The following SNX13 variants were observed in gnomAD, a reference collection of about 807,000 sequenced individuals.
SNX13 encodes the protein sorting nexin-13.
SNX13 carries 45 observed loss-of-function variants against 133.6 expected under a neutral mutation model. That is an observed-to-expected ratio of 0.34 (90% CI 0.27 to 0.43). The LOEUF is 0.43. Among genes scored for constraint, SNX13 ranks in the 20% least tolerant of loss-of-function variants. The pLI is 1.00. For missense variants in SNX13, 1,032 were observed against 1,145.1 expected (o/e 0.90, Z 1.43); for synonymous variants, 414 against 373.9 (o/e 1.11, Z -1.24).
intron 15 of SNX13, chr7:17,831,110 C>G (rs1788438312): frequency 1.0e-6 from 1 of 984,286 alleles, no homozygotes; most frequent in African/African-American, 1.7e-5. Flanking sequence ...AATCTTCCCA[C>G]CAAAGACAAG....
intron 5 of SNX13, among the ~76,000 whole-genome samples, chr7:17,878,374 C>G (rs777563827): frequency 6.6e-6 from 1 of 151,990 alleles, no homozygotes; most frequent in Non-Finnish European, 1.5e-5. Flanking sequence ...TACAATTAAC[C>G]CTAGCTTGAA....
intron 22 of SNX13, among the ~76,000 whole-genome samples, chr7:17,800,913 G>C (rs1334418305): frequency 1.3e-5 from 2 of 150,552 alleles, no homozygotes; most frequent in African/African-American, 4.9e-5. Context: ...AGTACTGGCA[G>C]GATGTAGAAC....
At chr7:17,815,468 C>G (rs1786554785) in intron 19 of SNX13, among the ~76,000 whole-genome samples, 1 of 152,120 alleles carries the variant, frequency 6.6e-6, no homozygotes, top group African/African-American at 2.4e-5. Flanking sequence ...ACCTGTAGTC[C>G]TAGCTACTCA....
intron 20 of SNX13, among the ~76,000 whole-genome samples, chr7:17,805,544 G>A (rs1427914925): frequency 2.0e-5 from 3 of 152,058 alleles, no homozygotes; most frequent in Non-Finnish European, 1.5e-5. Flanking sequence ...CATTTCAGAA[G>A]CATAAAAGGC....
chr7:17,849,478 G>A (rs1041429494), intron 11 of SNX13, among the ~76,000 whole-genome samples: 3 of 152,118 alleles, frequency 2.0e-5, no homozygotes, highest in Non-Finnish European at 4.4e-5. Context: ...TCCACAAAGA[G>A]TAAAGATAAT....
At chr7:17,842,721 C>T (rs1790044057) in intron 12 of SNX13, among the ~76,000 whole-genome samples, 1 of 151,838 alleles carries the variant, frequency 6.6e-6, no homozygotes, top group Non-Finnish European at 1.5e-5. Context: ...ACAAAAGTAA[C>T]TCATTTAAAA....
At chr7:17,904,323 ACAT>A (rs1798159012) in intron 1 of SNX13, among the ~76,000 whole-genome samples, 1 of 152,210 alleles carries the variant, frequency 6.6e-6, no homozygotes, top group Admixed American at 6.5e-5. Flanking sequence ...CTGAGTTGTG[ACAT>A]CATCTCTCAA....
Position 17,873,883 on chromosome 7 carries a change from T to C in SNX13, c.665-267A>G, listed in dbSNP as rs1354059376. On this transcript the variant is annotated intron_variant, in intron 7 of 25. Coordinates refer to ENST00000428135, the MANE Select transcript of SNX13 (RefSeq NM_015132.5). ...TAAAAAAATTTCGTTACAAGTCTTT[T>C]TTCCCAAAATAGTTTTAGATGGACC... 1.9e-4 allele frequency among the ~76,000 whole-genome samples: 29 copies of C among 152,186 alleles called. 1 individual carries two copies. Among genetic ancestry groups the C allele is most frequent in the Admixed American group, 1.4e-3 (22 of 15,286 alleles).
At chr7:17,826,647 ATT>A (rs935578985) in intron 16 of SNX13, among the ~76,000 whole-genome samples, 3 of 152,114 alleles carry the variant, frequency 2.0e-5, no homozygotes, top group Non-Finnish European at 4.4e-5. Flanking sequence ...TATTCTGATT[ATT>A]TATTAAATGA....
chr7:17,909,743 A>G (rs1016791304), intron 1 of SNX13, among the ~76,000 whole-genome samples: 2 of 152,210 alleles, frequency 1.3e-5, no homozygotes, highest in Non-Finnish European at 1.5e-5. Flanking sequence ...CGAGAGCATC[A>G]GGAAGAACAG....
chr7:17,845,562 G>A (rs749001728), intron 12 of SNX13, 33 bp downstream of exon 12: 13 of 1,326,406 alleles, frequency 9.8e-6, no homozygotes, highest in Middle Eastern at 3.7e-4. Flanking sequence ...AAATTCAATG[G>A]CTGTATCATT....
At chr7:17,802,659 A>G (rs886841538) in intron 21 of SNX13, among the ~76,000 whole-genome samples, 1 of 152,174 alleles carries the variant, frequency 6.6e-6, no homozygotes, top group Non-Finnish European at 1.5e-5. Context: ...GAATTAACAG[A>G]AAAGTATGAT....
At chr7:17,931,064 C>A (rs752244779) in intron 1 of SNX13, among the ~76,000 whole-genome samples, 3 of 152,150 alleles carry the variant, frequency 2.0e-5, no homozygotes, top group Non-Finnish European at 4.4e-5. Flanking sequence ...TTATTTTACT[C>A]TCCTGACTCC....
rs1791080161 is a variant in SNX13 at position 17,850,513 on chromosome 7, T to C, written c.977-78A>G. ...CTTTAAACATGCACTTACTGTAATT[T>C]AACAAAATAACCAATAATACAGCAA... On this transcript the variant is annotated intron_variant, in intron 10 of 25. Coordinates refer to ENST00000428135, the MANE Select transcript of SNX13 (RefSeq NM_015132.5). 8.5e-6 allele frequency: 7 copies of C among 822,564 alleles called. No individual in the cohort carries two copies. In the Admixed American group the frequency reaches 1.3e-4, roughly 16 times the overall value. The allele number at this position is 822,564 out of a possible 1,614,324, so 51.0% of individuals were successfully genotyped here.
chr7:17,875,032 G>A (rs1423101887), intron 7 of SNX13, among the ~76,000 whole-genome samples: 1 of 151,924 alleles, frequency 6.6e-6, no homozygotes, highest in Non-Finnish European at 1.5e-5. Flanking sequence ...TTTAGACAGG[G>A]TCTCACTCTC....
At position 17,869,969 on chromosome 7, in the gene SNX13, T is replaced by C. The variant is rs375169709; in HGVS notation, c.754-1479A>G. On this transcript the variant is annotated intron_variant, in intron 8 of 25. Coordinates refer to ENST00000428135, the MANE Select transcript of SNX13 (RefSeq NM_015132.5). ...GGGGAAAATTTTTGATTAAATTTTG[T>C]GTTTCTTATTAGTTGGTGCAATGAG... Among the ~76,000 whole-genome samples, 25 of 152,216 alleles carry C rather than the reference T, an allele frequency of 1.6e-4. No individual in the cohort carries two copies. The South Asian group carries it at 5.0e-3, about 30-fold the overall frequency.
At chr7:17,862,149 A>G (rs1293493680) in intron 9 of SNX13, among the ~76,000 whole-genome samples, 1 of 152,236 alleles carries the variant, frequency 6.6e-6, no homozygotes, top group Non-Finnish European at 1.5e-5. Context: ...GAACACTAAA[A>G]AATATCTGTA....
At chr7:17,802,700 A>T (rs1156275085) in intron 21 of SNX13, among the ~76,000 whole-genome samples, 1 of 152,178 alleles carries the variant, frequency 6.6e-6, no homozygotes, top group Admixed American at 6.5e-5. Flanking sequence ...CCCTTACATT[A>T]AAGAAAACCT....
chr7:17,909,024 G>A (rs1798670383), intron 1 of SNX13, among the ~76,000 whole-genome samples: 1 of 152,044 alleles, frequency 6.6e-6, no homozygotes, highest in African/African-American at 2.4e-5. Context: ...GATGTTCTGT[G>A]TGTTAAAAGA....
Sources: allele counts gnomAD v4.1 joint callset (sites outside exome capture counted in the v4.1 genomes callset), GRCh38; gene constraint gnomAD v4.1.1; transcripts MANE v1.5; gene names NCBI Gene and HGNC (gene_info 2026-07-23, HGNC 2026-07-21).